Variants in DHX35 observed in about 807,000 individuals in gnomAD.
The protein encoded by DHX35 is DEAH-box helicase 35.
Under a neutral mutation model 99.6 loss-of-function variants are expected in DHX35, and 84 were observed. The observed-to-expected ratio is 0.84, with a 90% CI of 0.71 to 1.01. The LOEUF (loss-of-function observed/expected upper bound fraction) is 1.01, where lower values mean the gene tolerates loss of function less well. Among genes scored for constraint, DHX35 ranks in the 50% least tolerant of loss-of-function variants. The probability of loss-of-function intolerance (pLI) is 0.00; values close to 1 mark genes in which losing one functional copy is unlikely to be tolerated. For synonymous variants in DHX35, 331 were observed against 316.2 expected (o/e 1.05, Z -0.50); for missense variants, 852 against 888.5 (o/e 0.96, Z 0.52).
At chr20:39,002,211 G>A (rs2086532196) in intron 9 of DHX35, among the ~76,000 whole-genome samples, 1 of 152,206 alleles carries the variant, frequency 6.6e-6, no homozygotes, top group African/African-American at 2.4e-5. Context: ...CATCCCTAGC[G>A]AGAAGGCCCA....
At chr20:39,026,593 G>C (rs910274874) in intron 18 of DHX35, among the ~76,000 whole-genome samples, 1 of 152,200 alleles carries the variant, frequency 6.6e-6, no homozygotes, top group Non-Finnish European at 1.5e-5. Flanking sequence ...GCTAGCTTGG[G>C]AAGTCTTTCA....
intron 1 of DHX35, among the ~76,000 whole-genome samples, chr20:38,963,983 C>G (rs897650095): frequency 3.3e-5 from 5 of 152,078 alleles, no homozygotes; most frequent in African/African-American, 1.2e-4. Context: ...CTCAGTTACT[C>G]CATCTGTAAA....
intron 17 of DHX35, 111 bp from the exon 18 acceptor site, chr20:39,025,119 C>T: frequency 7.7e-7 from 1 of 1,294,254 alleles, no homozygotes; most frequent in Non-Finnish European, 1.0e-6. Flanking sequence ...ATCTTTAGAT[C>T]TTATGCCGTT....
chr20:38,972,484 C>A, intron 2 of DHX35, 75 bp from the exon 3 acceptor site: 2 of 927,588 alleles, frequency 2.2e-6, no homozygotes, highest in Non-Finnish European at 3.4e-6. Context: ...GCTCATTTCA[C>A]AATGTTTAAA....
At chr20:39,011,482 T>C in intron 13 of DHX35, among the ~76,000 whole-genome samples, 1 of 152,148 alleles carries the variant, frequency 6.6e-6, no homozygotes. Context: ...ATTACAGGTG[T>C]GTGCCACCAC....
intron 19 of DHX35, among the ~76,000 whole-genome samples, chr20:39,028,887 C>G (rs1204624752): frequency 6.6e-6 from 1 of 152,170 alleles, no homozygotes; most frequent in African/African-American, 2.4e-5. Flanking sequence ...AAGTCCCCTC[C>G]CACCCTGGTA....
At chr20:39,013,047 G>A (rs2086728907) in intron 13 of DHX35, among the ~76,000 whole-genome samples, 3 of 151,748 alleles carry the variant, frequency 2.0e-5, no homozygotes, top group African/African-American at 7.3e-5. Flanking sequence ...GCTTACATAT[G>A]TGATAATGCT....
intron 17 of DHX35, among the ~76,000 whole-genome samples, chr20:39,024,141 A>C (rs2086914868): frequency 6.6e-6 from 1 of 152,250 alleles, no homozygotes; most frequent in Non-Finnish European, 1.5e-5. Context: ...AGCAACTTGT[A>C]GTCCTGGGTT....
At chr20:38,995,782 G>A (rs887406525) in intron 8 of DHX35, among the ~76,000 whole-genome samples, 1 of 152,154 alleles carries the variant, frequency 6.6e-6, no homozygotes, top group Non-Finnish European at 1.5e-5. Context: ...TTTCGCAGAG[G>A]TGGTGACCTA....
intron 2 of DHX35, among the ~76,000 whole-genome samples, chr20:38,969,979 G>A (rs747471472): frequency 1.2e-4 from 19 of 152,236 alleles, no homozygotes; most frequent in Non-Finnish European, 2.5e-4. Context: ...TCCACAGGAT[G>A]CCCTTGGAAT....
Position 39,038,679 on chromosome 20 carries a change from C to A in DHX35, c.*136C>A. Reference sequence around the variant, plus strand: ...GCTCTGAAGTGGGCTGCGGCCTGTTCATTAGTCCTTTCTTCCCGCTGCCCA... The same window carrying A: ...GCTCTGAAGTGGGCTGCGGCCTGTTAATTAGTCCTTTCTTCCCGCTGCCCA... On this transcript the variant is annotated 3_prime_UTR_variant, in exon 22 of 22. Transcript: ENST00000252011. 1.2e-6 allele frequency: 1 copy of A among 826,028 alleles called. No individual in the cohort carries two copies. The highest frequency in any genetic ancestry group is 1.6e-5 in the South Asian group (1 of 60,900). 51.2% of individuals were successfully genotyped at this position (826,028 alleles called of 1,614,324 possible).
chr20:39,012,328 T>C (rs889027212), intron 13 of DHX35, among the ~76,000 whole-genome samples: 15 of 152,006 alleles, frequency 9.9e-5, no homozygotes, highest in African/African-American at 3.6e-4. Flanking sequence ...AAGAAAAACA[T>C]ACAGTGACAG....
rs2145898906 is a variant in DHX35, at chr20:39,003,763, T to A, written c.867T>A (p.Thr289=). The change falls in exon 11 of 22, where the codon ACT becomes ACA. Residue 289 remains threonine (T), a synonymous_variant. Transcript: ENST00000252011. Reference sequence around the variant, plus strand: ...AACGTCTTTAGGAAGAGGTAGAAACTGTTGTGTCGATGCTCATCGAGCAGG... The same window carrying A: ...AACGTCTTTAGGAAGAGGTAGAAACAGTTGTGTCGATGCTCATCGAGCAGG... ...AFLTGQEEVE[T]VVSMLIEQAR... The A allele has an allele frequency of 6.2e-7, 1 of 1,613,840 alleles. No individual in the cohort carries two copies. Among genetic ancestry groups the A allele is most frequent in the Non-Finnish European group, 8.5e-7 (1 of 1,179,762 alleles).
intron 5 of DHX35, among the ~76,000 whole-genome samples, chr20:38,989,957 A>G (rs926651373): frequency 1.3e-5 from 2 of 152,258 alleles, no homozygotes; most frequent in Admixed American, 6.5e-5. Context: ...AATTTGCAAC[A>G]GAGGAAAATT....
At chr20:38,962,658 C>T in intron 1 of DHX35, 3 of 527,854 alleles carry the variant, frequency 5.7e-6, no homozygotes, top group South Asian at 2.4e-5. Context: ...CAGGCCTCGT[C>T]TTCCTCGTTA....
intron 13 of DHX35, among the ~76,000 whole-genome samples, chr20:39,014,661 A>G (rs1057169547): frequency 3.3e-5 from 5 of 152,132 alleles, no homozygotes; most frequent in Non-Finnish European, 7.3e-5. Flanking sequence ...TCAAAGGGAA[A>G]TGTTTCATCA....
At chr20:38,977,588 T>G (rs1425712346) in intron 3 of DHX35, 28 of 302,884 alleles carry the variant, frequency 9.2e-5, no homozygotes, top group Non-Finnish European at 1.8e-4. Context: ...GTTCCATCTT[T>G]AAAAATGAAA....
chr20:38,983,724 C>A lies in DHX35; in HGVS notation c.293C>A (p.Ala98Asp). The change falls in exon 4 of 22, where the codon GCT becomes GAT. Residue 98 changes from alanine to aspartate, a missense_variant. Transcript: ENST00000252011. ...PQYLAEAGWT[A>D]EGRVVGVTQP... is the part of the protein sequence containing the mutation. ...TACCTTGCAGAAGCCGGCTGGACAG[C>A]TGAAGGAAGAGTGGTAGGAGTGACC... 1.2e-6 allele frequency: 2 copies of A among 1,614,090 alleles called. No homozygotes were observed. Among genetic ancestry groups the A allele is most frequent in the South Asian group, 1.1e-5 (1 of 91,074 alleles).
At position 39,010,494 on chromosome 20, in the gene DHX35, CT is replaced by C. The variant is rs35165418; in HGVS notation, c.1347+97del. On this transcript the variant is annotated intron_variant, in intron 13 of 21. Transcript: ENST00000252011. ...ATTGTCGTAGGGCATGCCATCTTTC[CT>C]TTTTTTCCCTACTCAGGTCATGTGT... 5.3e-6 allele frequency: 8 copies of C among 1,522,306 alleles called. No homozygotes were observed. The Admixed American group carries it at 6.1e-5, about 12-fold the overall frequency. 94.3% of individuals were successfully genotyped at this position (1,522,306 alleles called of 1,614,324 possible).
Sources: gnomAD v4.1 joint callset for allele counts (sites outside exome capture counted in the v4.1 genomes callset) on GRCh38, gnomAD v4.1.1 for gene constraint, MANE v1.5 for transcripts, NCBI Gene and HGNC (gene_info 2026-07-23, HGNC 2026-07-21) for gene names.